The following LRBA variants were observed in gnomAD, a reference collection of about 807,000 sequenced individuals.
The protein encoded by LRBA is LPS responsive beige-like anchor protein.
A neutral mutation model predicts 330.0 loss-of-function variants in LRBA; 176 were observed. The observed-to-expected ratio is 0.53, with a 90% CI of 0.47 to 0.60. The LOEUF (loss-of-function observed/expected upper bound fraction) is 0.60. LRBA is among the 20% of genes least tolerant of loss of function. LRBA has a pLI of 0.00. For missense variants in LRBA, 3,259 were observed against 3,444.8 expected (o/e 0.95, Z 1.35); for synonymous variants, 1,230 against 1,193.0 (o/e 1.03, Z -0.64).
chr4:150,863,225 G>A lies in LRBA; in HGVS notation c.2766+4446C>T, dbSNP rs147927794. On this transcript the variant is annotated intron_variant, in intron 22 of 56. Transcript: ENST00000651943. ...AGGTGAGAGGATCACTTGAGCCCAGGAGTTTGAAGTTGCAGTGAGCTATGA... is the reference window on the plus strand; with the variant it reads ...AGGTGAGAGGATCACTTGAGCCCAGAAGTTTGAAGTTGCAGTGAGCTATGA... 9.9e-5 allele frequency among the ~76,000 whole-genome samples: 15 copies of A among 152,256 alleles called. No homozygotes were observed. The East Asian group carries it at 2.9e-3, about 29-fold the overall frequency.
intron 37 of LRBA, among the ~76,000 whole-genome samples, chr4:150,636,352 A>T (rs976650904): frequency 2.0e-5 from 3 of 152,054 alleles, no homozygotes; most frequent in African/African-American, 7.2e-5. Context: ...ATTAGATAAT[A>T]TTATCTATTT....
chr4:150,444,056 T>C (rs1454208784), intron 44 of LRBA, among the ~76,000 whole-genome samples: 1 of 151,472 alleles, frequency 6.6e-6, no homozygotes, highest in Non-Finnish European at 1.5e-5. Context: ...ACTTACATAA[T>C]GTCTGTGGAT....
intron 55 of LRBA, 49 bp from the exon 56 acceptor site, chr4:150,278,053 C>A: frequency 1.3e-6 from 2 of 1,566,786 alleles, no homozygotes; most frequent in South Asian, 2.2e-5. Flanking sequence ...AGGAAACTTT[C>A]GGCCCCCACC....
In LRBA at chr4:150,847,153, T is replaced by C. The variant is rs550051096; in HGVS notation, c.4339+1665A>G. Among the ~76,000 whole-genome samples the C allele has an allele frequency of 3.9e-5, 6 of 152,298 alleles. No homozygotes were observed. In the South Asian group the frequency reaches 1.2e-3, roughly 32 times the overall value. ...GTATTCAAATTCTACCTTCACCAAT[T>C]ATAGCTTTTTAGCTATAGATAAGTT... On this transcript the variant is annotated intron_variant, in intron 26 of 56. Transcript: ENST00000651943.
intron 35 of LRBA, among the ~76,000 whole-genome samples, chr4:150,756,790 G>A (rs1734371253): frequency 6.6e-6 from 1 of 152,094 alleles, no homozygotes; most frequent in Admixed American, 6.6e-5. Context: ...TTGATGTGGT[G>A]CTACAGCATC....
intron 22 of LRBA, among the ~76,000 whole-genome samples, chr4:150,862,396 G>A (rs1752067195): frequency 6.6e-6 from 1 of 152,076 alleles, no homozygotes; most frequent in Non-Finnish European, 1.5e-5. Flanking sequence ...GGATGAAACT[G>A]GAAACCATCA....
intron 2 of LRBA, among the ~76,000 whole-genome samples, chr4:150,988,546 G>A (rs922940731): frequency 6.6e-6 from 1 of 152,040 alleles, no homozygotes; most frequent in African/African-American, 2.4e-5. Flanking sequence ...TTTCGCTTTT[G>A]TGTATGTCTA....
Position 150,541,801 on chromosome 4 carries a change from T to C in LRBA, c.6330+46247A>G, listed in dbSNP as rs554678660. On this transcript the variant is annotated intron_variant, in intron 40 of 56. Transcript: ENST00000651943. ...TTGAACTCCTGGGCTCAAGTGATCA[T>C]CCTGCCTCAGGCAGCAATAGGTGCA... Among the ~76,000 whole-genome samples the C allele has an allele frequency of 9.9e-5, 15 of 152,262 alleles. No homozygotes were observed. The South Asian group carries it at 2.3e-3, about 23-fold the overall frequency.
intron 54 of LRBA, among the ~76,000 whole-genome samples, chr4:150,285,328 C>T (rs1484050012): frequency 6.6e-6 from 1 of 152,216 alleles, no homozygotes; most frequent in East Asian, 1.9e-4. Context: ...CATTCCTAGT[C>T]AGATCCTGAT....
At chr4:150,974,916 T>C (rs557182694) in intron 2 of LRBA, among the ~76,000 whole-genome samples, 1 of 152,194 alleles carries the variant, frequency 6.6e-6, no homozygotes, top group African/African-American at 2.4e-5. Flanking sequence ...TGAACTGATA[T>C]TGAAACCACT....
At chr4:150,738,716 G>C (rs1051881078) in intron 35 of LRBA, among the ~76,000 whole-genome samples, 3 of 151,988 alleles carry the variant, frequency 2.0e-5, no homozygotes, top group African/African-American at 7.2e-5. Context: ...ATTGGCAAAA[G>C]AATCAGTTTA....
intron 34 of LRBA, among the ~76,000 whole-genome samples, chr4:150,793,315 T>A (rs1740268367): frequency 6.6e-6 from 1 of 151,776 alleles, no homozygotes; most frequent in Non-Finnish European, 1.5e-5. Context: ...AAAAATGAGG[T>A]GAATCTGATT....
chr4:150,394,542 T>C (rs750359791), intron 47 of LRBA, among the ~76,000 whole-genome samples: 6 of 152,108 alleles, frequency 3.9e-5, no homozygotes, highest in Non-Finnish European at 7.3e-5. Context: ...GTATAATAAA[T>C]GGCAGAGTAA....
chr4:150,648,158 C>CAAAAAAAAAAAAAAAAAAAAAAAAAAAAA lies in LRBA; in HGVS notation c.5921+35392_5921+35393insTTTTTTTTTTTTTTTTTTTTTTTTTTTTT. On this transcript the variant is annotated intron_variant, in intron 37 of 56. Coordinates refer to ENST00000651943, the MANE Select transcript of LRBA (RefSeq NM_001364905.1). ...TCAGAAGAGAAAGGAACACAAGTAG[C>CAAAAAAAAAAAAAAAAAAAAAAAAAAAAA]AAAAAAAAAAAAAAAAAAACTAGAA... Among the ~76,000 whole-genome samples, 129 of 18,094 alleles carry CAAAAAAAAAAAAAAAAAAAAAAAAAAAAA rather than the reference C, an allele frequency of 7.1e-3. 43 individuals are homozygous for CAAAAAAAAAAAAAAAAAAAAAAAAAAAAA. Among genetic ancestry groups the CAAAAAAAAAAAAAAAAAAAAAAAAAAAAA allele is most frequent in the Non-Finnish European group, 0.016 (89 of 5,682 alleles). 11.9% of individuals were successfully genotyped at this position (18,094 alleles called of 152,430 possible).
At chr4:150,932,246 A>C (rs1734588877) in intron 2 of LRBA, among the ~76,000 whole-genome samples, 2 of 152,086 alleles carry the variant, frequency 1.3e-5, no homozygotes, top group South Asian at 4.1e-4. Flanking sequence ...AAAAATCAAA[A>C]AGTAAATTAA....
intron 38 of LRBA, among the ~76,000 whole-genome samples, chr4:150,592,980 A>G (rs1383238800): frequency 1.3e-5 from 2 of 152,120 alleles, no homozygotes; most frequent in African/African-American, 2.4e-5. Context: ...CAATTAACCA[A>G]TAATTTTTAG....
intron 37 of LRBA, among the ~76,000 whole-genome samples, chr4:150,656,873 T>G (rs1780240251): frequency 1.3e-5 from 2 of 152,188 alleles, no homozygotes; most frequent in African/African-American, 4.8e-5. Context: ...TAAGGCACCA[T>G]GAAAGTATTA....
chr4:150,381,813 A>G (rs975840722), intron 47 of LRBA, among the ~76,000 whole-genome samples: 20 of 152,180 alleles, frequency 1.3e-4, no homozygotes, highest in Admixed American at 1.2e-3. Flanking sequence ...CAGTTTTTAC[A>G]TATCTTAACC....
At chr4:150,486,225 T>C (rs1218532283) in intron 42 of LRBA, among the ~76,000 whole-genome samples, 3 of 151,712 alleles carry the variant, frequency 2.0e-5, no homozygotes, top group African/African-American at 7.3e-5. Flanking sequence ...TATTTGTGAA[T>C]TACAACTCAA....
Sources: allele counts gnomAD v4.1 joint callset (sites outside exome capture counted in the v4.1 genomes callset), GRCh38; gene constraint gnomAD v4.1.1; transcripts MANE v1.5; gene names NCBI Gene and HGNC (gene_info 2026-07-23, HGNC 2026-07-21).